DPYSL3: variants seen among roughly 807,000 people sequenced by gnomAD.
DPYSL3 encodes dihydropyrimidinase-related protein 3.
DPYSL3 carries 16 observed loss-of-function variants against 66.1 expected under a neutral mutation model. That is an observed-to-expected ratio of 0.24 (90% confidence interval 0.16 to 0.37). The LOEUF (loss-of-function observed/expected upper bound fraction) is 0.37, where lower values mean the gene tolerates loss of function less well. Ranked by LOEUF, DPYSL3 falls within the 10% of genes least tolerant of loss-of-function variation. The pLI is 1.00. For missense variants in DPYSL3, 738 were observed against 916.2 expected (o/e 0.81, Z 2.51); for synonymous variants, 338 against 345.1 (o/e 0.98, Z 0.23).
At position 147,448,454 on chromosome 5, in the gene DPYSL3, C is replaced by T. The variant is rs189089484; in HGVS notation, c.382-23491G>A. Reference sequence around the variant, plus strand: ...CTGTTTATTTTTGTTTTGGAAAACTCTTATTTTTACAAAATCATTTCCTAA... The same window carrying T: ...CTGTTTATTTTTGTTTTGGAAAACTTTTATTTTTACAAAATCATTTCCTAA... On this transcript the variant is annotated intron_variant, in intron 1 of 13. Transcript: ENST00000343218. Among the ~76,000 whole-genome samples, 3 of 152,334 alleles carry T rather than the reference C, an allele frequency of 2.0e-5. No individual in the cohort carries two copies. The East Asian group carries it at 5.8e-4, about 29-fold the overall frequency.
chr5:147,418,256 A>G (rs1390055217), intron 3 of DPYSL3, among the ~76,000 whole-genome samples, 191 bp downstream of exon 3: 1 of 152,166 alleles, frequency 6.6e-6, no homozygotes, highest in Non-Finnish European at 1.5e-5. Context: ...AGCCTCATGA[A>G]TCTCCTCTTT....
intron 1 of DPYSL3, among the ~76,000 whole-genome samples, chr5:147,492,801 T>A (rs1753436736): frequency 6.6e-6 from 1 of 151,862 alleles, no homozygotes; most frequent in Middle Eastern, 3.2e-3. Flanking sequence ...ATAGAATACA[T>A]CAACAAATAC....
chr5:147,486,038 T>G (rs1753324130), intron 1 of DPYSL3, among the ~76,000 whole-genome samples: 1 of 152,166 alleles, frequency 6.6e-6, no homozygotes, highest in African/African-American at 2.4e-5. Context: ...AAAGAAGTAC[T>G]GACACATGCC....
intron 10 of DPYSL3, among the ~76,000 whole-genome samples, chr5:147,399,932 C>T (rs1032050800): frequency 3.3e-5 from 5 of 152,052 alleles, no homozygotes; most frequent in South Asian, 2.1e-4. Flanking sequence ...AGCCTCTTTA[C>T]GGAAAGAATT....
intron 9 of DPYSL3, 140 bp downstream of exon 9, chr5:147,401,399 CT>C: frequency 1.0e-6 from 1 of 966,544 alleles, no homozygotes; most frequent in South Asian, 1.9e-5. Context: ...ACGCTCAAGA[CT>C]GTAAAAGAAT....
At chr5:147,501,941 A>C (rs1753618283) in intron 1 of DPYSL3, among the ~76,000 whole-genome samples, 1 of 152,200 alleles carries the variant, frequency 6.6e-6, no homozygotes, top group South Asian at 2.1e-4. Context: ...TGCTCTAAAA[A>C]TACGAGCTTA....
chr5:147,480,175 C>CGTTT (rs1390295363), intron 1 of DPYSL3, among the ~76,000 whole-genome samples: 1 of 152,190 alleles, frequency 6.6e-6, no homozygotes, highest in African/African-American at 2.4e-5. Context: ...ATCTCTTTCC[C>CGTTT]GTTTGCCTGT....
intron 8 of DPYSL3, among the ~76,000 whole-genome samples, chr5:147,403,893 T>C (rs997229941): frequency 6.6e-6 from 1 of 152,166 alleles, no homozygotes; most frequent in Admixed American, 6.5e-5. Context: ...GAGAATTATG[T>C]GCCAAAAGGC....
chr5:147,425,738 G>A (rs954467434), intron 1 of DPYSL3, among the ~76,000 whole-genome samples: 3 of 152,124 alleles, frequency 2.0e-5, no homozygotes, highest in Admixed American at 2.0e-4. Flanking sequence ...TATTAACAAA[G>A]TTAATGAAGT....
chr5:147,449,853 T>TATC (rs1752693405), intron 1 of DPYSL3, among the ~76,000 whole-genome samples: 1 of 152,194 alleles, frequency 6.6e-6, no homozygotes, highest in Non-Finnish European at 1.5e-5. Context: ...AACTGTAACT[T>TATC]ATCAAAAGTT....
chr5:147,420,069 C>A (rs1449376992), intron 2 of DPYSL3, among the ~76,000 whole-genome samples: 2 of 152,182 alleles, frequency 1.3e-5, no homozygotes, highest in African/African-American at 4.8e-5. Context: ...ATTAATCCCT[C>A]AAGGCTCAGC....
At position 147,415,731 on chromosome 5, in the gene DPYSL3, C is replaced by T; in HGVS notation, c.798G>A (p.Val266=). The change falls in exon 4 of 14, where the codon GTG becomes GTA. Residue 266 remains valine (V), a synonymous_variant. Transcript: ENST00000343218. ...THWNDSVKQE[V]QNLIKDKGVN... is the part of the protein sequence containing the mutation. ...CACCTTTGTCCTTGATGAGGTTCTGCACTTCCTGCTTGACGCTGTCATTCC... is the reference window on the plus strand; with the variant it reads ...CACCTTTGTCCTTGATGAGGTTCTGTACTTCCTGCTTGACGCTGTCATTCC... 6.2e-7 allele frequency: 1 copy of T among 1,614,002 alleles called. No individual in the cohort carries two copies.
intron 12 of DPYSL3, among the ~76,000 whole-genome samples, chr5:147,396,352 G>A (rs1025568327): frequency 6.6e-6 from 1 of 152,216 alleles, no homozygotes. Context: ...CCTTGTGCCA[G>A]GCACTAGGGC....
At position 147,421,274 on chromosome 5, in the gene DPYSL3, A is replaced by C. The variant is rs189907421; in HGVS notation, c.471-2643T>G. Among the ~76,000 whole-genome samples the C allele has an allele frequency of 3.4e-3, 517 of 152,310 alleles. 2 individuals are homozygous for C. Among genetic ancestry groups the C allele is most frequent in the Non-Finnish European group, 5.5e-3 (375 of 68,028 alleles). On this transcript the variant is annotated intron_variant, in intron 2 of 13. Transcript: ENST00000343218. ...AAACTCCCATTCACAATTACTACAA[A>C]GAGAATAAAATACCTAGGAATACAA... is the stretch of plus-strand genomic sequence containing the variant.
At chr5:147,444,379 A>G (rs1181139157) in intron 1 of DPYSL3, among the ~76,000 whole-genome samples, 3 of 152,196 alleles carry the variant, frequency 2.0e-5, no homozygotes, top group Non-Finnish European at 2.9e-5. Context: ...AGCACTTTAC[A>G]CAGGGTACAA....
At chr5:147,495,191 C>G (rs1027565332) in intron 1 of DPYSL3, among the ~76,000 whole-genome samples, 2 of 152,136 alleles carry the variant, frequency 1.3e-5, no homozygotes, top group Non-Finnish European at 2.9e-5. Context: ...GAAATACTTC[C>G]CAGCTCCTTC....
intron 13 of DPYSL3, among the ~76,000 whole-genome samples, chr5:147,394,477 A>G (rs1255655947): frequency 6.6e-6 from 1 of 152,152 alleles, no homozygotes; most frequent in African/African-American, 2.4e-5. Flanking sequence ...CCATGGTTTG[A>G]GAGAGGTGCC....
At chr5:147,501,759 G>A (rs369180380) in intron 1 of DPYSL3, among the ~76,000 whole-genome samples, 1 of 152,058 alleles carries the variant, frequency 6.6e-6, no homozygotes, top group African/African-American at 2.4e-5. Flanking sequence ...GATTACAGGC[G>A]TGAGCCACCA....
At chr5:147,493,503 G>A (rs1753447825) in intron 1 of DPYSL3, among the ~76,000 whole-genome samples, 1 of 152,030 alleles carries the variant, frequency 6.6e-6, no homozygotes, top group African/African-American at 2.4e-5. Context: ...CTTGGGCCTA[G>A]GAAGTCACAG....
Sources: allele counts gnomAD v4.1 joint callset (sites outside exome capture counted in the v4.1 genomes callset), GRCh38; gene constraint gnomAD v4.1.1; transcripts MANE v1.5; gene names NCBI Gene and HGNC (gene_info 2026-07-23, HGNC 2026-07-21).